The following LINGO1 variants were observed in gnomAD, a reference collection of about 807,000 sequenced individuals.
LINGO1 encodes leucine-rich repeat and immunoglobulin-like domain-containing nogo receptor-interacting protein 1.
LINGO1 carries 11 observed loss-of-function variants against 37.3 expected under a neutral mutation model. The ratio of observed to expected loss-of-function variants is 0.29; its 90% CI spans 0.19 to 0.49. LINGO1 has a LOEUF of 0.49. Ranked by LOEUF, LINGO1 falls within the 20% of genes least tolerant of loss-of-function variation. The pLI is 0.99. For synonymous variants in LINGO1, 387 were observed against 403.0 expected, an observed-to-expected ratio of 0.96 and a Z score of 0.48; for missense variants, 585 against 878.2, an observed-to-expected ratio of 0.67 and a Z score of 4.22.
upstream of LINGO1, among the ~76,000 whole-genome samples, chr15:77,788,988 A>T (rs1017799814): frequency 2.0e-5 from 3 of 152,206 alleles, no homozygotes; most frequent in Admixed American, 2.0e-4. Flanking sequence ...GGTCCTGGCC[A>T]TGAGGTAGGA....
chr15:77,622,656 G>C (rs990499811), intron 1 of LINGO1, among the ~76,000 whole-genome samples: 1 of 152,210 alleles, frequency 6.6e-6, no homozygotes, highest in African/African-American at 2.4e-5. Context: ...ACGATAAAGC[G>C]TGTTAGCGGG....
intron 2 of LINGO1, among the ~76,000 whole-genome samples, chr15:77,794,745 G>A (rs36055448): frequency 0.2 from 30,142 of 151,170 alleles, 3,218 homozygotes; most frequent in African/African-American, 0.28. Flanking sequence ...CCGCCACCAC[G>A]CCCTGCTAAT....
chr15:77,654,206 C>T (rs563032659), intron 3 of LINGO1, among the ~76,000 whole-genome samples: 4 of 152,274 alleles, frequency 2.6e-5, no homozygotes, highest in East Asian at 1.9e-4. Context: ...GTGGATATCC[C>T]GTGCTTGGAA....
At chr15:77,642,385 G>C (rs1188040700) in intron 3 of LINGO1, among the ~76,000 whole-genome samples, 1 of 152,246 alleles carries the variant, frequency 6.6e-6, no homozygotes, top group East Asian at 1.9e-4. Context: ...CCCATGGTGT[G>C]GGGAGAGGGA....
intron 1 of LINGO1, among the ~76,000 whole-genome samples, chr15:77,748,969 G>A (rs1400627062): frequency 6.0e-5 from 8 of 132,854 alleles, no homozygotes; most frequent in African/African-American, 1.1e-4. Context: ...GTGCACTGGC[G>A]TGATATTGGC....
chr15:77,778,482 A>G (rs769770736), intron 1 of LINGO1, among the ~76,000 whole-genome samples: 18 of 152,208 alleles, frequency 1.2e-4, no homozygotes, highest in Non-Finnish European at 2.5e-4. Context: ...CAAACTTCAC[A>G]TGACCACAGC....
At chr15:77,715,852 T>C (rs2075977631) in intron 2 of LINGO1, among the ~76,000 whole-genome samples, 1 of 152,182 alleles carries the variant, frequency 6.6e-6, no homozygotes, top group South Asian at 2.1e-4. Context: ...CAGGAAGGTG[T>C]CCCTGGCTGC....
At position 77,729,798 on chromosome 15, in the gene LINGO1, T is replaced by C. The variant is rs184331982; in HGVS notation, c.-195+5194A>G. Among the ~76,000 whole-genome samples the C allele has an allele frequency of 1.1e-3, 166 of 152,356 alleles. 1 individual carries two copies. In the Middle Eastern group the frequency reaches 0.02, roughly 19 times the overall value. On this transcript the variant is annotated intron_variant, in intron 2 of 3. Coordinates refer to the LINGO1 transcript ENST00000561686. ...TTTTCATTCTGACTACCAGGAATCA[T>C]AGAACCAACTATTCAGCCCAAGATT...
chr15:77,703,421 T>G (rs2075809734), intron 2 of LINGO1, among the ~76,000 whole-genome samples: 1 of 152,152 alleles, frequency 6.6e-6, no homozygotes, highest in Non-Finnish European at 1.5e-5. Flanking sequence ...CTAGGAATAT[T>G]GGCAGTGGGA....
intron 3 of LINGO1, among the ~76,000 whole-genome samples, chr15:77,669,249 T>C (rs2075203750): frequency 6.6e-6 from 1 of 152,154 alleles, no homozygotes; most frequent in Non-Finnish European, 1.5e-5. Context: ...ACATAGAGTG[T>C]CCTGGCTTAG....
intron 1 of LINGO1, among the ~76,000 whole-genome samples, chr15:77,749,690 C>A (rs186586483): frequency 6.6e-6 from 1 of 152,348 alleles, no homozygotes; most frequent in Admixed American, 6.5e-5. Context: ...CGCCACCAGA[C>A]CACCCTCCAA....
chr15:77,690,479 T>C (rs990795440), intron 2 of LINGO1, among the ~76,000 whole-genome samples: 1 of 152,234 alleles, frequency 6.6e-6, no homozygotes, highest in Non-Finnish European at 1.5e-5. Context: ...GTTGCACCGT[T>C]TGACTCACTG....
At chr15:77,779,181 TCTC>T (rs1384953192) in intron 1 of LINGO1, among the ~76,000 whole-genome samples, 5 of 151,818 alleles carry the variant, frequency 3.3e-5, no homozygotes, top group African/African-American at 1.2e-4. Flanking sequence ...TTTCCCCACT[TCTC>T]CTTGTATTTG....
chr15:77,811,588 G>A (rs2077006405), intron 1 of LINGO1, among the ~76,000 whole-genome samples: 1 of 152,330 alleles, frequency 6.6e-6, no homozygotes, highest in East Asian at 1.9e-4. Flanking sequence ...CGGGGCCTCA[G>A]GGCCTTTGCA....
chr15:77,678,536 T>C (rs897984474), intron 2 of LINGO1, among the ~76,000 whole-genome samples: 2 of 152,272 alleles, frequency 1.3e-5, no homozygotes, highest in African/African-American at 2.4e-5. Flanking sequence ...TGTTGCTGCA[T>C]AGTACTCCGT....
chr15:77,733,757 C>G (rs78679308), intron 2 of LINGO1, among the ~76,000 whole-genome samples: 14 of 152,342 alleles, frequency 9.2e-5, no homozygotes, highest in Non-Finnish European at 4.4e-5. Flanking sequence ...CCCTCCTCCA[C>G]GCAGTCTGCC....
upstream of LINGO1, among the ~76,000 whole-genome samples, chr15:77,699,740 TCAC>T (rs2075755100): frequency 0.02 from 3 of 148 alleles, no homozygotes; most frequent in Admixed American, 0.1. Context: ...ATACTAACCA[TCAC>T]CTGCACACAG....
chr15:77,673,544 G>A (rs1023165468), intron 3 of LINGO1, among the ~76,000 whole-genome samples: 1 of 152,154 alleles, frequency 6.6e-6, no homozygotes, highest in Non-Finnish European at 1.5e-5. Context: ...GGACATACAT[G>A]CCTGGTTCCT....
chr15:77,683,637 T>A (rs528317501), intron 2 of LINGO1, among the ~76,000 whole-genome samples: 1 of 152,218 alleles, frequency 6.6e-6, no homozygotes, highest in South Asian at 2.1e-4. Context: ...TATGATTCCG[T>A]TTCCTTTTTT....
Sources: allele counts gnomAD v4.1 joint callset (sites outside exome capture counted in the v4.1 genomes callset), GRCh38; gene constraint gnomAD v4.1.1; transcripts MANE v1.5; gene names NCBI Gene and HGNC (gene_info 2026-07-23, HGNC 2026-07-21).